Variants in PAM observed in about 807,000 individuals in gnomAD.
PAM encodes the protein peptidyl-glycine alpha-amidating monooxygenase.
In PAM, 72 loss-of-function variants were observed where a neutral mutation model predicts 122.1. That is an observed-to-expected ratio of 0.59 (90% confidence interval 0.49 to 0.72). The LOEUF is 0.72. Ranked by LOEUF, PAM falls within the 30% of genes least tolerant of loss-of-function variation. The pLI is 0.00. For synonymous variants in PAM, 389 were observed against 404.4 expected, an observed-to-expected ratio of 0.96 and a Z score of 0.46; for missense variants, 1,106 against 1,183.7, an observed-to-expected ratio of 0.93 and a Z score of 0.96.
chr5:102,954,078 G>A (rs1039009345), intron 12 of PAM, among the ~76,000 whole-genome samples: 7 of 151,852 alleles, frequency 4.6e-5, no homozygotes, highest in African/African-American at 1.2e-4. Flanking sequence ...GCAAAGTGAT[G>A]GATTTGTTAG....
chr5:102,829,357 T>C (rs1013833522), intron 1 of PAM, among the ~76,000 whole-genome samples: 15 of 150,682 alleles, frequency 1.0e-4, no homozygotes, highest in African/African-American at 3.7e-4. Context: ...AGTGAGCAAC[T>C]GGGAGGTTTT....
intron 7 of PAM, among the ~76,000 whole-genome samples, chr5:102,935,247 A>G (rs1215900098): frequency 2.6e-5 from 4 of 151,914 alleles, no homozygotes; most frequent in Admixed American, 6.6e-5. Context: ...AATGTATCAG[A>G]TATGTGTATA....
At chr5:102,856,340 G>A (rs1782610417) in intron 1 of PAM, among the ~76,000 whole-genome samples, 1 of 152,098 alleles carries the variant, frequency 6.6e-6, no homozygotes, top group Non-Finnish European at 1.5e-5. Flanking sequence ...AAATAAATAA[G>A]GTACCTGGTA....
At chr5:102,839,229 A>G (rs1580780223) in intron 1 of PAM, among the ~76,000 whole-genome samples, 1 of 152,294 alleles carries the variant, frequency 6.6e-6, no homozygotes, top group South Asian at 2.1e-4. Flanking sequence ...TCCATGTAGA[A>G]TCATTATTTC....
chr5:103,025,460 C>A lies in PAM; in HGVS notation c.2689+126C>A, dbSNP rs1784701736. 4 of 702,978 alleles carry A rather than the reference C, an allele frequency of 5.7e-6. No homozygotes were observed. The South Asian group carries it at 7.0e-5, about 12-fold the overall frequency. 43.5% of individuals were successfully genotyped at this position (702,978 alleles called of 1,614,324 possible). ...TTTTTTTGTTTTTAATGCTCTCTAC[C>A]ATTTTTGACATTATTGTCTATGTTC... is the stretch of plus-strand genomic sequence containing the variant. On this transcript the variant is annotated intron_variant, in intron 24 of 25. Transcript: ENST00000438793.
At chr5:102,761,099 C>T (rs1216427792) in intron 1 of PAM, among the ~76,000 whole-genome samples, 2 of 152,186 alleles carry the variant, frequency 1.3e-5, no homozygotes, top group Admixed American at 6.5e-5. Flanking sequence ...TCGGCAGTGC[C>T]TGCTGCAACC....
intron 1 of PAM, among the ~76,000 whole-genome samples, chr5:102,864,780 A>T (rs1201021237): frequency 6.6e-6 from 1 of 152,206 alleles, no homozygotes; most frequent in Non-Finnish European, 1.5e-5. Flanking sequence ...CTAAAATAAA[A>T]CTTTAATCTC....
chr5:102,905,233 G>A (rs1336342512), intron 4 of PAM, among the ~76,000 whole-genome samples: 1 of 151,526 alleles, frequency 6.6e-6, no homozygotes, highest in Non-Finnish European at 1.5e-5. Context: ...TCTGACAGCA[G>A]CCCACTCAGC....
At chr5:102,881,330 C>A (rs192722892) in intron 3 of PAM, among the ~76,000 whole-genome samples, 120 of 151,726 alleles carry the variant, frequency 7.9e-4, no homozygotes, top group African/African-American at 2.7e-3. Context: ...GACAAAAATT[C>A]GTTCATGTTA....
chr5:102,843,547 C>G (rs1779209512), intron 1 of PAM, among the ~76,000 whole-genome samples: 1 of 152,128 alleles, frequency 6.6e-6, no homozygotes, highest in African/African-American at 2.4e-5. Context: ...TCTGTAAGAT[C>G]CCTTGTGAAG....
chr5:102,916,247 G>C (rs1228746545), intron 5 of PAM, among the ~76,000 whole-genome samples: 1 of 152,066 alleles, frequency 6.6e-6, no homozygotes, highest in East Asian at 1.9e-4. Flanking sequence ...TGCTGAGTCT[G>C]ATTGGAAAAG....
chr5:102,776,586 A>G (rs532516265), intron 1 of PAM, among the ~76,000 whole-genome samples: 1 of 152,256 alleles, frequency 6.6e-6, no homozygotes, highest in South Asian at 2.1e-4. Flanking sequence ...CATTTATTAA[A>G]TAGGGAACAC....
intron 1 of PAM, among the ~76,000 whole-genome samples, chr5:102,824,249 G>T (rs946244754): frequency 9.2e-5 from 14 of 152,182 alleles, no homozygotes; most frequent in African/African-American, 3.1e-4. Flanking sequence ...CATGAGCATA[G>T]TATACGGAAC....
chr5:102,890,925 A>C (rs1270346958), intron 3 of PAM, among the ~76,000 whole-genome samples: 2 of 152,034 alleles, frequency 1.3e-5, no homozygotes, highest in Non-Finnish European at 2.9e-5. Flanking sequence ...ACAAGTATCC[A>C]CTGGGAGTTT....
At chr5:102,836,845 A>G (rs1021653599) in intron 1 of PAM, among the ~76,000 whole-genome samples, 1 of 147,280 alleles carries the variant, frequency 6.8e-6, no homozygotes, top group Non-Finnish European at 1.5e-5. Flanking sequence ...TTATGGATGG[A>G]CCAAGAAAGA....
chr5:102,889,709 T>A (rs1201053970), intron 3 of PAM, among the ~76,000 whole-genome samples: 2 of 151,928 alleles, frequency 1.3e-5, no homozygotes, highest in Non-Finnish European at 2.9e-5. Flanking sequence ...CTCTGCATGA[T>A]CTTGTTAGGG....
chr5:102,973,347 A>G (rs1203749894), intron 14 of PAM, among the ~76,000 whole-genome samples: 1 of 152,166 alleles, frequency 6.6e-6, no homozygotes, highest in African/African-American at 2.4e-5. Context: ...ATATGTGATA[A>G]TATTTTACAA....
intron 7 of PAM, among the ~76,000 whole-genome samples, chr5:102,944,074 T>A (rs151117639): frequency 1.1e-4 from 17 of 152,292 alleles, no homozygotes; most frequent in African/African-American, 4.1e-4. Flanking sequence ...CATTTCTTTT[T>A]AAAAATTATT....
At chr5:102,792,008 A>C (rs1322077076) in intron 1 of PAM, among the ~76,000 whole-genome samples, 1 of 152,210 alleles carries the variant, frequency 6.6e-6, no homozygotes, top group Non-Finnish European at 1.5e-5. Flanking sequence ...CATACTAATA[A>C]GGGTGAACAT....
Sources: gnomAD v4.1 joint callset for allele counts (sites outside exome capture counted in the v4.1 genomes callset) on GRCh38, gnomAD v4.1.1 for gene constraint, MANE v1.5 for transcripts, NCBI Gene and HGNC (gene_info 2026-07-23, HGNC 2026-07-21) for gene names.